Variants in OR2L2 observed in about 807,000 individuals in gnomAD.
OR2L2 encodes olfactory receptor family 2 subfamily L member 2.
For synonymous variants in OR2L2, 156 were observed against 135.4 expected, an observed-to-expected ratio of 1.15 and a Z score of -1.06; for missense variants, 378 against 375.2, an observed-to-expected ratio of 1.01 and a Z score of -0.06.
rs376969487 is a variant in OR2L2, at chr1:248,041,724, G to C, written c.*2518G>C. 1 of 152,072 alleles carries C rather than the reference G, an allele frequency of 6.6e-6. No individual in the cohort carries two copies. Among genetic ancestry groups the C allele is most frequent in the East Asian group, 1.9e-4 (1 of 5,182 alleles). 9.4% of individuals were successfully genotyped at this position (152,072 alleles called of 1,614,324 possible). A position where few individuals can be genotyped will look rare whatever the true frequency, so the allele number is the denominator to read the frequency against. ...GGACATGAACAGACACTTCTCAAAA[G>C]AAGACATTTATGCAGCCAAAAAACA... On this transcript the variant is annotated 3_prime_UTR_variant, in exon 3 of 3. Coordinates refer to ENST00000641771, the MANE Select transcript of OR2L2 (RefSeq NM_001385855.1).
chr1:248,035,642 T>C lies in OR2L2; in HGVS notation c.-22+18T>C, dbSNP rs976959602. 26 of 152,190 alleles carry C rather than the reference T, an allele frequency of 1.7e-4. No individual in the cohort carries two copies. Among genetic ancestry groups the C allele is most frequent in the African/African-American group, 6.3e-4 (26 of 41,438 alleles). 9.4% of individuals were successfully genotyped at this position (152,190 alleles called of 1,614,324 possible). A position where few individuals can be genotyped will look rare whatever the true frequency, so the allele number is the denominator to read the frequency against. On this transcript the variant is annotated intron_variant, in intron 2 of 2. Coordinates refer to ENST00000641771, the MANE Select transcript of OR2L2 (RefSeq NM_001385855.1). ...ACCCAAAGGTAAGGACTTCAAATTT[T>C]CTTACCAGTTTTTCCCTATTTTTGT...
At chr1:248,034,617 T>A (rs1271292890) in intron 1 of OR2L2, among the ~76,000 whole-genome samples, 1 of 152,210 alleles carries the variant, frequency 6.6e-6, no homozygotes, top group Non-Finnish European at 1.5e-5. Flanking sequence ...ACAGAATGTA[T>A]TTCCATTTAT....
At chr1:248,031,971 C>T (rs1201386879) in intron 1 of OR2L2, among the ~76,000 whole-genome samples, 1 of 151,764 alleles carries the variant, frequency 6.6e-6, no homozygotes, top group Non-Finnish European at 1.5e-5. Flanking sequence ...CATCGACTGC[C>T]CTATATAAAA....
rs189673332 is a variant in OR2L2 at position 248,033,240 on chromosome 1, T to G, written c.-96-2310T>G. On this transcript the variant is annotated intron_variant, in intron 1 of 2. Coordinates refer to ENST00000641771, the MANE Select transcript of OR2L2 (RefSeq NM_001385855.1). ...TTACACTTAGGTCTTTGATTTATTT[T>G]GACTTAATTTTTCTATATGGTGTAA... 3.0e-3 allele frequency among the ~76,000 whole-genome samples: 462 copies of G among 152,306 alleles called. 2 individuals are homozygous for G. Among genetic ancestry groups the G allele is most frequent in the Non-Finnish European group, 4.4e-3 (301 of 68,010 alleles).
Position 248,039,054 on chromosome 1 carries a change from T to C in OR2L2, c.787T>C (p.Ser263Pro), listed in dbSNP as rs1434671838. ...TGCTTATACCTATGTACGTCCAAGA[T>C]CCCTGCGATCTCCAACAGAGGACAA... ...PFAYTYVRPR[S>P]LRSPTEDKIL... Residue 263 changes from serine (S) to proline (P), a missense_variant, in exon 3 of 3, where the codon TCC becomes CCC. Transcript: ENST00000641771. The C allele has an allele frequency of 5.0e-6, 8 of 1,613,950 alleles. No homozygotes were observed. The highest frequency in any genetic ancestry group is 5.9e-6 in the Non-Finnish European group (7 of 1,180,024).
At chr1:248,031,106 G>A (rs949329971) in intron 1 of OR2L2, among the ~76,000 whole-genome samples, 3 of 152,118 alleles carry the variant, frequency 2.0e-5, no homozygotes, top group Admixed American at 2.0e-4. Flanking sequence ...CAGAACCCAC[G>A]TGGATTTATT....
At position 248,030,243 on chromosome 1, in the gene OR2L2, T is replaced by C. The variant is rs560825087; in HGVS notation, c.-97+8T>C. 6.6e-6 allele frequency: 1 copy of C among 152,298 alleles called. No individual in the cohort carries two copies. The highest frequency in any genetic ancestry group is 1.5e-5 in the Non-Finnish European group (1 of 68,018). 9.4% of individuals were successfully genotyped at this position (152,298 alleles called of 1,614,324 possible). ...AATGAGGAAATAATAAAGGTACTAA[T>C]TATAATTGTATTTTTAAATTTTTAT... On this transcript the variant is annotated splice_region_variant and intron_variant, in intron 1 of 2. Coordinates refer to ENST00000641771, the MANE Select transcript of OR2L2 (RefSeq NM_001385855.1).
intron 1 of OR2L2, among the ~76,000 whole-genome samples, chr1:248,031,663 G>A (rs1346099974): frequency 6.6e-6 from 1 of 152,138 alleles, no homozygotes; most frequent in East Asian, 1.9e-4. Flanking sequence ...TTTTTGGGGT[G>A]CCTGATTTTC....
At chr1:248,034,113 GA>G (rs1164601964) in intron 1 of OR2L2, among the ~76,000 whole-genome samples, 1 of 152,142 alleles carries the variant, frequency 6.6e-6, no homozygotes, top group Non-Finnish European at 1.5e-5. Flanking sequence ...GGAGGTGAGA[GA>G]ACTCTATAAG....
chr1:248,041,841 A>T lies in OR2L2; in HGVS notation c.*2635A>T, dbSNP rs1163298844. On this transcript the variant is annotated 3_prime_UTR_variant, in exon 3 of 3. Coordinates refer to ENST00000641771, the MANE Select transcript of OR2L2 (RefSeq NM_001385855.1). ...TCTCACACCAGTTAGAATGGCAATC[A>T]TTAAAACGTCAGGAAACAACAGGTG... 2 of 152,212 alleles carry T rather than the reference A, an allele frequency of 1.3e-5. No individual in the cohort carries two copies. Among genetic ancestry groups the T allele is most frequent in the Non-Finnish European group, 2.9e-5 (2 of 68,040 alleles). The allele number at this position is 152,212 out of a possible 1,614,324, so 9.4% of individuals were successfully genotyped here.
intron 2 of OR2L2, among the ~76,000 whole-genome samples, chr1:248,036,200 T>C (rs1174407424): frequency 2.0e-5 from 3 of 152,178 alleles, no homozygotes; most frequent in Non-Finnish European, 2.9e-5. Context: ...ATGTTGGTCC[T>C]GTTGCATTAA....
In OR2L2 at chr1:248,040,173, C is replaced by G. The variant is rs1558194379; in HGVS notation, c.*967C>G. Reference sequence around the variant, plus strand: ...TATTCAGCTTGGATTGGGATCAGCTCCTCTGCTCCACTATTTTTATACCTG... The same window carrying G: ...TATTCAGCTTGGATTGGGATCAGCTGCTCTGCTCCACTATTTTTATACCTG... On this transcript the variant is annotated 3_prime_UTR_variant, in exon 3 of 3. Coordinates refer to ENST00000641771, the MANE Select transcript of OR2L2 (RefSeq NM_001385855.1). The G allele has an allele frequency of 6.6e-6, 1 of 152,214 alleles. No homozygotes were observed. The highest frequency in any genetic ancestry group is 1.5e-5 in the Non-Finnish European group (1 of 68,052). The allele number at this position is 152,214 out of a possible 1,614,324, so 9.4% of individuals were successfully genotyped here.
In OR2L2 at chr1:248,042,287, T is replaced by A. The variant is rs1486806581; in HGVS notation, c.*3081T>A. ...ACCAAACACCGCATATTCTCACTCA[T>A]AGGTGGGAATTGAACAATGAGAACA... On this transcript the variant is annotated 3_prime_UTR_variant, in exon 3 of 3. Transcript: ENST00000641771. 7.1e-6 allele frequency: 1 copy of A among 140,018 alleles called. No homozygotes were observed. The highest frequency in any genetic ancestry group is 2.2e-4 in the South Asian group (1 of 4,464). The allele number at this position is 140,018 out of a possible 1,614,324, so 8.7% of individuals were successfully genotyped here. A position where few individuals can be genotyped will look rare whatever the true frequency, so the allele number is the denominator to read the frequency against.
At position 248,041,034 on chromosome 1, in the gene OR2L2, C is replaced by T. The variant is rs537897767; in HGVS notation, c.*1828C>T. 1.3e-5 allele frequency: 2 copies of T among 152,180 alleles called. No homozygotes were observed. Among genetic ancestry groups the T allele is most frequent in the Admixed American group, 1.3e-4 (2 of 15,278 alleles). The allele number at this position is 152,180 out of a possible 1,614,324, so 9.4% of individuals were successfully genotyped here. On this transcript the variant is annotated 3_prime_UTR_variant, in exon 3 of 3. Transcript: ENST00000641771. Reference sequence around the variant, plus strand: ...TCTAATTTAAATTAAGTAGAATTTTCTCATCATTAGGACTGTATGAGAATG... The same window carrying T: ...TCTAATTTAAATTAAGTAGAATTTTTTCATCATTAGGACTGTATGAGAATG...
rs1482509495 is a variant in OR2L2, at chr1:248,038,505, A to T, written c.238A>T (p.Met80Leu). The T allele has an allele frequency of 1.2e-6, 2 of 1,613,938 alleles. No homozygotes were observed. The highest frequency in any genetic ancestry group is 2.2e-5 in the South Asian group (2 of 91,070). Residue 80 changes from methionine to leucine, a missense_variant, in exon 3 of 3, where the codon ATG becomes TTG. Transcript: ENST00000641771. ...TTACATCTCCACCATTGTTCCAAAG[A>T]TGGTTTATGATTTTCTGTATGGAAA... ...LNYISTIVPK[M>L]VYDFLYGNKS...
At chr1:248,031,338 G>T (rs777657099) in intron 1 of OR2L2, among the ~76,000 whole-genome samples, 13 of 152,142 alleles carry the variant, frequency 8.5e-5, no homozygotes, top group Non-Finnish European at 1.3e-4. Flanking sequence ...TTGTAACATC[G>T]CAGAACACAT....
intron 1 of OR2L2, among the ~76,000 whole-genome samples, chr1:248,034,286 T>G (rs370458373): frequency 4.9e-4 from 74 of 152,330 alleles, no homozygotes; most frequent in African/African-American, 1.6e-3. Flanking sequence ...ACCATCATTC[T>G]TCACAGACAA....
At chr1:248,030,570 C>T (rs1662591543) in intron 1 of OR2L2, among the ~76,000 whole-genome samples, 1 of 152,132 alleles carries the variant, frequency 6.6e-6, no homozygotes, top group Non-Finnish European at 1.5e-5. Flanking sequence ...TAAGGGGTAA[C>T]ATTTCCTTGT....
intron 1 of OR2L2, among the ~76,000 whole-genome samples, chr1:248,035,259 G>GCTA (rs1013409633): frequency 6.6e-6 from 1 of 151,938 alleles, no homozygotes; most frequent in African/African-American, 2.4e-5. Flanking sequence ...GACCATCCTG[G>GCTA]CTAACACGGT....
Sources: allele counts gnomAD v4.1 joint callset (sites outside exome capture counted in the v4.1 genomes callset), GRCh38; gene constraint gnomAD v4.1.1; transcripts MANE v1.5; gene names NCBI Gene and HGNC (gene_info 2026-07-23, HGNC 2026-07-21).